RORA: variants seen among roughly 807,000 people sequenced by gnomAD.
RORA encodes nuclear receptor ROR-alpha.
In RORA, 7 loss-of-function variants were observed where a neutral mutation model predicts 69.5. The observed-to-expected ratio is 0.10, with a 90% CI of 0.06 to 0.19. The LOEUF (loss-of-function observed/expected upper bound fraction) is 0.19, where lower values mean the gene tolerates loss of function less well. RORA is among the 10% of genes least tolerant of loss of function. The pLI is 1.00. For synonymous variants in RORA, 261 were observed against 240.8 expected (o/e 1.08, Z -0.78); for missense variants, 457 against 663.0 (o/e 0.69, Z 3.41).
chr15:61,171,136 T>A (rs2079581372), intron 1 of RORA, among the ~76,000 whole-genome samples: 1 of 152,194 alleles, frequency 6.6e-6, no homozygotes, highest in Admixed American at 6.5e-5. Context: ...ATACTCACTC[T>A]GATCATCAAA....
chr15:60,632,525 A>G (rs2069761588), intron 2 of RORA, among the ~76,000 whole-genome samples: 1 of 152,168 alleles, frequency 6.6e-6, no homozygotes, highest in Non-Finnish European at 1.5e-5. Context: ...TTTTTAGTAT[A>G]TTCCAAATAA....
rs1463976474 is a variant in RORA at position 61,061,955 on chromosome 15, TG to T, written c.166+167097del. Among the ~76,000 whole-genome samples, 2 of 151,832 alleles carry T rather than the reference TG, an allele frequency of 1.3e-5. No individual in the cohort carries two copies. Among genetic ancestry groups the T allele is most frequent in the Admixed American group, 6.6e-5 (1 of 15,256 alleles). On this transcript the variant is annotated intron_variant, in intron 1 of 10. Coordinates refer to ENST00000335670, the MANE Select transcript of RORA (RefSeq NM_134261.3). This position sits in a 1 kb window ranked among gnomAD's most constrained non-coding sequence, Gnocchi z 4.4. ...GTGGGCGCCTGTAATGCCAGCTACTTGGGAGGCTGAGGCAGGAGAATCCCTT... is the reference window on the plus strand; with the variant it reads ...GTGGGCGCCTGTAATGCCAGCTACTTGGAGGCTGAGGCAGGAGAATCCCTT...
At chr15:60,592,156 G>A (rs1031787719) in intron 2 of RORA, among the ~76,000 whole-genome samples, 9 of 152,060 alleles carry the variant, frequency 5.9e-5, no homozygotes, top group South Asian at 2.1e-4. Context: ...GGGCAGCAGA[G>A]GGGGATCCAC....
chr15:60,950,735 C>T (rs1893066916), intron 1 of RORA, among the ~76,000 whole-genome samples: 1 of 90,532 alleles, frequency 1.1e-5, no homozygotes. Flanking sequence ...ACAAGAAGAG[C>T]TAACTATCCT....
At chr15:61,220,096 T>C (rs964329536) in intron 1 of RORA, among the ~76,000 whole-genome samples, 8 of 152,242 alleles carry the variant, frequency 5.3e-5, no homozygotes, top group African/African-American at 1.9e-4. Context: ...CCAAAGCACG[T>C]GATGAGTGCC....
At chr15:60,614,850 T>C (rs759671287) in intron 2 of RORA, 3 of 1,524,270 alleles carry the variant, frequency 2.0e-6, no homozygotes, top group Non-Finnish European at 2.7e-6. Context: ...CATGCTTACA[T>C]ACATATAGCT....
chr15:61,120,062 G>C (rs557521299), intron 1 of RORA, among the ~76,000 whole-genome samples: 32 of 152,330 alleles, frequency 2.1e-4, no homozygotes, highest in Admixed American at 3.3e-4. Flanking sequence ...GCCAGTGTCA[G>C]ATCTAATGTG....
chr15:60,568,246 T>TGCCC (rs1264368925), intron 2 of RORA, among the ~76,000 whole-genome samples: 1 of 152,168 alleles, frequency 6.6e-6, no homozygotes. Flanking sequence ...TGTGCACCTT[T>TGCCC]CTGTTCTGCC....
intron 2 of RORA, among the ~76,000 whole-genome samples, chr15:60,664,865 G>A (rs934789994): frequency 6.6e-6 from 1 of 152,172 alleles, no homozygotes; most frequent in African/African-American, 2.4e-5. Flanking sequence ...GGATAATTTT[G>A]CTCCTCTTGT....
In RORA at chr15:60,887,384, G is replaced by A. The variant is rs1376099935; in HGVS notation, c.167-208698C>T. 2.6e-5 allele frequency among the ~76,000 whole-genome samples: 4 copies of A among 152,052 alleles called. No individual in the cohort carries two copies. In the East Asian group the frequency reaches 5.8e-4, roughly 22 times the overall value. On this transcript the variant is annotated intron_variant, in intron 1 of 10. Coordinates refer to ENST00000335670, the MANE Select transcript of RORA (RefSeq NM_134261.3). The stretch of plus-strand genomic sequence containing the variant: ...GTTTCATGATAAAAGGAAGCTAAAC[G>A]GGGTTTTTACAGGAATTTCAGAAGT...
intron 1 of RORA, among the ~76,000 whole-genome samples, chr15:61,070,272 C>T (rs1185429618): frequency 6.6e-6 from 1 of 152,170 alleles, no homozygotes; most frequent in Admixed American, 6.5e-5. Flanking sequence ...CACACACACC[C>T]GTATGCCCCC....
At chr15:60,850,069 C>T (rs750106993) in intron 1 of RORA, among the ~76,000 whole-genome samples, 8 of 152,140 alleles carry the variant, frequency 5.3e-5, no homozygotes, top group African/African-American at 1.2e-4. Flanking sequence ...ACAAGCATGG[C>T]GGTATAGCTA....
At chr15:61,072,831 T>C (rs1051882385) in intron 1 of RORA, among the ~76,000 whole-genome samples, 2 of 152,210 alleles carry the variant, frequency 1.3e-5, no homozygotes, top group African/African-American at 2.4e-5. Context: ...GTTTGAAATA[T>C]TGTTTTAAGG....
intron 2 of RORA, chr15:60,650,650 C>A (rs1457825509): frequency 6.6e-6 from 1 of 152,134 alleles, no homozygotes; most frequent in East Asian, 1.9e-4. Context: ...AAGAGAGCAC[C>A]AATTTGCGGA....
chr15:61,205,447 A>G (rs975365935), intron 1 of RORA, among the ~76,000 whole-genome samples: 6 of 152,206 alleles, frequency 3.9e-5, no homozygotes, highest in Non-Finnish European at 8.8e-5. Flanking sequence ...ACAATTGGTT[A>G]AAGTTACTTG....
At chr15:60,648,006 G>A (rs2070081481) in intron 2 of RORA, among the ~76,000 whole-genome samples, 2 of 152,212 alleles carry the variant, frequency 1.3e-5, no homozygotes, top group Non-Finnish European at 2.9e-5. Flanking sequence ...TATATAAGGA[G>A]GATGGAGAAC....
intron 1 of RORA, among the ~76,000 whole-genome samples, chr15:61,155,378 T>C (rs2079433482): frequency 6.6e-6 from 1 of 152,092 alleles, no homozygotes; most frequent in Non-Finnish European, 1.5e-5. Flanking sequence ...ATAGAAGAAA[T>C]ACATCTTCAG....
At chr15:60,893,326 A>C (rs962684033) in intron 1 of RORA, among the ~76,000 whole-genome samples, 5 of 152,208 alleles carry the variant, frequency 3.3e-5, no homozygotes, top group African/African-American at 1.2e-4. Flanking sequence ...CAGTTTCTTC[A>C]GAGGACAAGG....
chr15:60,631,078 C>T (rs534381473), intron 2 of RORA, among the ~76,000 whole-genome samples: 5 of 151,996 alleles, frequency 3.3e-5, no homozygotes, highest in South Asian at 2.1e-4. Context: ...TTAGTAGAGA[C>T]GGGGTTTTAC....
Sources: gnomAD v4.1 joint callset for allele counts (sites outside exome capture counted in the v4.1 genomes callset) on GRCh38, gnomAD v4.1.1 for gene constraint, Gnocchi (gnomAD v3.1) non-coding constraint, MANE v1.5 for transcripts, NCBI Gene and HGNC (gene_info 2026-07-23, HGNC 2026-07-21) for gene names.